Variants in SLC35B3 observed in about 807,000 individuals in gnomAD.
SLC35B3 encodes the protein adenosine 3'-phospho 5'-phosphosulfate transporter 2.
A neutral mutation model predicts 44.1 loss-of-function variants in SLC35B3; 35 were observed. That is an observed-to-expected ratio of 0.79 (90% CI 0.61 to 1.05). The LOEUF is 1.05. Among genes scored for constraint, SLC35B3 ranks in the 50% least tolerant of loss-of-function variants. The pLI is 0.00. For missense variants in SLC35B3, 414 were observed against 476.4 expected (o/e 0.87, Z 1.22); for synonymous variants, 146 against 167.3 (o/e 0.87, Z 0.98).
chr6:8,422,842 C>T (rs1043315226), intron 4 of SLC35B3, among the ~76,000 whole-genome samples: 17 of 151,256 alleles, frequency 1.1e-4, no homozygotes, highest in African/African-American at 3.4e-4. Flanking sequence ...CAATCATAAA[C>T]GAGGCCACTC....
At position 8,435,127 on chromosome 6, in the gene SLC35B3, G is replaced by A; in HGVS notation, c.-44+216C>T. The A allele has an allele frequency of 1.6e-6, 2 of 1,267,864 alleles. No individual in the cohort carries two copies. Among genetic ancestry groups the A allele is most frequent in the African/African-American group, 1.5e-5 (1 of 65,322 alleles). The allele number at this position is 1,267,864 out of a possible 1,614,324, so 78.5% of individuals were successfully genotyped here. A position where few individuals can be genotyped will look rare whatever the true frequency, so the allele number is the denominator to read the frequency against. On this transcript the variant is annotated intron_variant, in intron 1 of 10. Coordinates refer to ENST00000644923, the MANE Select transcript of SLC35B3 (RefSeq NM_001370476.2). The surrounding 1 kb of genome is among the most constrained non-coding windows in gnomAD (Gnocchi z 5.5). ...TGAGGGAGTTCTCGCCAGCCCGAGG[G>A]CGAAAAACGGGCGAGGAGGAACAGA...
rs552076049 is a variant in SLC35B3, at chr6:8,420,385, C to T, written c.682+336G>A. Among the ~76,000 whole-genome samples, 1 of 152,218 alleles carries T rather than the reference C, an allele frequency of 6.6e-6. No individual in the cohort carries two copies. Among genetic ancestry groups the T allele is most frequent in the East Asian group, 1.9e-4 (1 of 5,186 alleles). ...AAGTTGTGTCAGTTAACTCAGTTTT[C>T]ACAAAAACAATTATTTGTTCATATT... On this transcript the variant is annotated intron_variant, in intron 6 of 10. Transcript: ENST00000644923. The surrounding 1 kb of genome is among the most constrained non-coding windows in gnomAD (Gnocchi z 4.4).
intron 4 of SLC35B3, among the ~76,000 whole-genome samples, chr6:8,423,462 C>T (rs1261249807): frequency 6.6e-6 from 1 of 152,050 alleles, no homozygotes; most frequent in Non-Finnish European, 1.5e-5. Context: ...TCTAAAGTTC[C>T]TAAAGGAGAT....
rs1762084534 is a variant in SLC35B3 at position 8,412,333 on chromosome 6, C to T, written c.*1216G>A. ...ATATTGTCCAAATTTGCTAACTCTA[C>T]TTGTGTTTCTTAAATTTATCCTATT... On this transcript the variant is annotated 3_prime_UTR_variant, in exon 11 of 11. Coordinates refer to ENST00000644923, the MANE Select transcript of SLC35B3 (RefSeq NM_001370476.2). Among the ~76,000 whole-genome samples the T allele has an allele frequency of 6.6e-6, 1 of 152,170 alleles. No homozygotes were observed. Among genetic ancestry groups the T allele is most frequent in the African/African-American group, 2.4e-5 (1 of 41,446 alleles).
At position 8,434,472 on chromosome 6, in the gene SLC35B3, C is replaced by A. The variant is rs1764295529; in HGVS notation, c.-43-42G>T. 6.4e-7 allele frequency: 1 copy of A among 1,572,194 alleles called. No homozygotes were observed. The highest frequency in any genetic ancestry group is 8.7e-7 in the Non-Finnish European group (1 of 1,148,536). Reference sequence around the variant, plus strand: ...TAAAACAGAAAAAACAAAGTTCCATCTCATTTCTTTGTACACACATCATTA... The same window carrying A: ...TAAAACAGAAAAAACAAAGTTCCATATCATTTCTTTGTACACACATCATTA... On this transcript the variant is annotated intron_variant, in intron 1 of 10. Coordinates refer to ENST00000644923, the MANE Select transcript of SLC35B3 (RefSeq NM_001370476.2). The surrounding 1 kb of genome is among the most constrained non-coding windows in gnomAD (Gnocchi z 6.3).
At chr6:8,422,100 G>C (rs1032320902) in intron 5 of SLC35B3, among the ~76,000 whole-genome samples, 2 of 152,122 alleles carry the variant, frequency 1.3e-5, no homozygotes, top group Admixed American at 6.6e-5. Flanking sequence ...TGCCTCCTGG[G>C]TTCAAGCAAT....
intron 4 of SLC35B3, 106 bp downstream of exon 3, chr6:8,427,831 C>A: frequency 1.1e-6 from 1 of 901,590 alleles, no homozygotes; most frequent in Non-Finnish European, 1.7e-6. Context: ...AGAGTTCGTG[C>A]CTATCACATG....
intron 5 of SLC35B3, 44 bp downstream of exon 4, chr6:8,422,426 A>G (rs1011794080): frequency 5.0e-6 from 7 of 1,411,630 alleles, no homozygotes; most frequent in Non-Finnish European, 5.9e-6. Context: ...GCCATAACAT[A>G]GCCTATTAGT....
intron 2 of SLC35B3, among the ~76,000 whole-genome samples, chr6:8,431,322 A>G (rs1487560498): frequency 1.3e-5 from 2 of 152,222 alleles, no homozygotes; most frequent in East Asian, 3.9e-4. Context: ...AGAAATAAGA[A>G]TAATTTTGAC....
chr6:8,415,790 TC>T (rs1341962002), intron 9 of SLC35B3, among the ~76,000 whole-genome samples: 3 of 152,170 alleles, frequency 2.0e-5, no homozygotes, highest in Non-Finnish European at 2.9e-5. Context: ...GGGTATATGT[TC>T]CCTCTTCTCC....
intron 7 of SLC35B3, among the ~76,000 whole-genome samples, chr6:8,418,204 C>T (rs887590374): frequency 2.0e-4 from 30 of 152,096 alleles, no homozygotes; most frequent in Non-Finnish European, 4.4e-4. Context: ...CTATCTTATT[C>T]CAGAGCCTAC....
At chr6:8,422,252 C>A (rs1762961350) in intron 5 of SLC35B3, among the ~76,000 whole-genome samples, 1 of 152,172 alleles carries the variant, frequency 6.6e-6, no homozygotes. Context: ...ATCTGCCCAC[C>A]TTGGCATCCC....
Position 8,422,344 on chromosome 6 carries a change from C to T in SLC35B3, c.574+126G>A, listed in dbSNP as rs1309896200. ...TACCTTATTTTGGTAAGACATAATT[C>T]AGAATTGTTACAATATCTAGAATGC... is the stretch of plus-strand genomic sequence containing the variant. On this transcript the variant is annotated intron_variant, in intron 5 of 10. Transcript: ENST00000644923. The T allele has an allele frequency of 1.0e-5, 8 of 782,460 alleles. No individual in the cohort carries two copies. In the Admixed American group the frequency reaches 2.3e-4, roughly 23 times the overall value. 48.5% of individuals were successfully genotyped at this position (782,460 alleles called of 1,614,324 possible).
Position 8,412,660 on chromosome 6 carries a change from A to C in SLC35B3, c.*889T>G, listed in dbSNP as rs1188899816. Among the ~76,000 whole-genome samples the C allele has an allele frequency of 6.6e-6, 1 of 152,186 alleles. No individual in the cohort carries two copies. Among genetic ancestry groups the C allele is most frequent in the Admixed American group, 6.5e-5 (1 of 15,278 alleles). On this transcript the variant is annotated 3_prime_UTR_variant, in exon 11 of 11. Coordinates refer to ENST00000644923, the MANE Select transcript of SLC35B3 (RefSeq NM_001370476.2). Reference sequence around the variant, plus strand: ...TGGCAGTAGGGACTAGTTTCGTGGAAGACAATTTTTCCATGGACTGGGACA... The same window carrying C: ...TGGCAGTAGGGACTAGTTTCGTGGACGACAATTTTTCCATGGACTGGGACA...
chr6:8,417,518 GA>G (rs772536216), intron 7 of SLC35B3, 24 bp from the exon 7 acceptor site: 1 of 1,407,352 alleles, frequency 7.1e-7, no homozygotes. Flanking sequence ...AAATAAAGCA[GA>G]AAAAAGTACT....
Position 8,433,392 on chromosome 6 carries a change from G to A in SLC35B3, c.3+993C>T, listed in dbSNP as rs540821219. 6.6e-6 allele frequency among the ~76,000 whole-genome samples: 1 copy of A among 152,194 alleles called. No homozygotes were observed. Among genetic ancestry groups the A allele is most frequent in the South Asian group, 2.1e-4 (1 of 4,824 alleles). The stretch of plus-strand genomic sequence containing the variant: ...GTTTTTATACTTGTTTCTCCTAAAA[G>A]CCTATGAAATCCTTAAGGCAAGAGA... On this transcript the variant is annotated intron_variant, in intron 2 of 10. Coordinates refer to ENST00000644923, the MANE Select transcript of SLC35B3 (RefSeq NM_001370476.2). The surrounding 1 kb of genome is among the most constrained non-coding windows in gnomAD (Gnocchi z 4.1).
rs1245228627 is a variant in SLC35B3 at position 8,412,065 on chromosome 6, G to T, written c.*1484C>A. On this transcript the variant is annotated 3_prime_UTR_variant, in exon 11 of 11. Coordinates refer to ENST00000644923, the MANE Select transcript of SLC35B3 (RefSeq NM_001370476.2). ...GTGGGGCCTTTTGGGAGGTGATAAG[G>T]TCATGAGGGCAGAGTCCTTGAAAAT... Among the ~76,000 whole-genome samples, 2 of 152,092 alleles carry T rather than the reference G, an allele frequency of 1.3e-5. No homozygotes were observed. The highest frequency in any genetic ancestry group is 1.9e-4 in the East Asian group (1 of 5,188).
rs768462689 is a variant in SLC35B3, at chr6:8,430,167, G to T, written c.4-10C>A. The T allele has an allele frequency of 6.5e-7, 1 of 1,527,120 alleles. No individual in the cohort carries two copies. Among genetic ancestry groups the T allele is most frequent in the Non-Finnish European group, 8.8e-7 (1 of 1,141,750 alleles). 94.6% of individuals were successfully genotyped at this position (1,527,120 alleles called of 1,614,324 possible). ...CTTGCTGTGTCAAGTCCTAGAGAAG[G>T]AAATAAGCAATTAAAACATTTACAT... On this transcript the variant is annotated splice_polypyrimidine_tract_variant and intron_variant, in intron 2 of 10. Coordinates refer to ENST00000644923, the MANE Select transcript of SLC35B3 (RefSeq NM_001370476.2).
At chr6:8,426,354 G>A (rs12192629) in intron 4 of SLC35B3, among the ~76,000 whole-genome samples, 6 of 151,926 alleles carry the variant, frequency 3.9e-5, no homozygotes, top group Admixed American at 6.5e-5. Flanking sequence ...ATGGTTTGGC[G>A]CTGTGTCACC....
Sources: allele counts gnomAD v4.1 joint callset (sites outside exome capture counted in the v4.1 genomes callset), GRCh38; gene constraint gnomAD v4.1.1; non-coding constraint Gnocchi (gnomAD v3.1); transcripts MANE v1.5; gene names NCBI Gene and HGNC (gene_info 2026-07-23, HGNC 2026-07-21).